GRIK3: variants seen among roughly 807,000 people sequenced by gnomAD.
GRIK3 encodes glutamate ionotropic receptor kainate type subunit 3, also known as glutamate receptor ionotropic, kainate 3.
GRIK3 carries 29 observed loss-of-function variants against 102.5 expected under a neutral mutation model. The observed-to-expected ratio is 0.28, with a 90% confidence interval of 0.21 to 0.39. The LOEUF is 0.39. Among genes scored for constraint, GRIK3 ranks in the 10% least tolerant of loss-of-function variants. The pLI is 1.00. For synonymous variants in GRIK3, 511 were observed against 504.9 expected, an observed-to-expected ratio of 1.01 and a Z score of -0.16; for missense variants, 908 against 1,252.4, an observed-to-expected ratio of 0.73 and a Z score of 4.15.
At chr1:36,933,572 T>C (rs1158404901) in intron 1 of GRIK3, among the ~76,000 whole-genome samples, 1 of 152,254 alleles carries the variant, frequency 6.6e-6, no homozygotes, top group African/African-American at 2.4e-5. Flanking sequence ...GTGGTTTACC[T>C]GCCAGCCTGT....
chr1:36,809,398 C>T (rs143037556), intron 13 of GRIK3, among the ~76,000 whole-genome samples: 103 of 152,294 alleles, frequency 6.8e-4, no homozygotes, highest in Middle Eastern at 3.4e-3. Flanking sequence ...TGTTCTCTTA[C>T]CCACCTATCC....
chr1:36,991,663 A>T (rs1642364813), intron 1 of GRIK3, among the ~76,000 whole-genome samples: 1 of 152,150 alleles, frequency 6.6e-6, no homozygotes, highest in Non-Finnish European at 1.5e-5. Context: ...CTTCCCAGGA[A>T]CCTCACATTC....
chr1:36,887,513 TTAGGAGGCTGAGG>T (rs1465300235), intron 2 of GRIK3, among the ~76,000 whole-genome samples: 1 of 151,864 alleles, frequency 6.6e-6, no homozygotes, highest in Admixed American at 6.6e-5. Context: ...TCCCAGCACT[TTAGGAGGCTGAGG>T]TGGGTGGATC....
intron 1 of GRIK3, among the ~76,000 whole-genome samples, chr1:36,937,197 C>T (rs1176536488): frequency 6.6e-6 from 1 of 152,172 alleles, no homozygotes; most frequent in African/African-American, 2.4e-5. Flanking sequence ...TGAGCTGTCC[C>T]TGGAGTAAAC....
chr1:36,908,455 T>C (rs898540801), intron 1 of GRIK3, among the ~76,000 whole-genome samples: 2 of 152,200 alleles, frequency 1.3e-5, no homozygotes, highest in African/African-American at 4.8e-5. Flanking sequence ...CTGATTGTCC[T>C]GGGTTCTGAT....
intron 1 of GRIK3, among the ~76,000 whole-genome samples, chr1:36,903,078 C>T (rs1338431511): frequency 6.6e-6 from 1 of 152,284 alleles, no homozygotes; most frequent in East Asian, 1.9e-4. Context: ...TGAGCCACCA[C>T]GCCCGGCCTG....
chr1:36,816,744 C>T (rs1642635950), intron 13 of GRIK3, among the ~76,000 whole-genome samples: 1 of 152,206 alleles, frequency 6.6e-6, no homozygotes, highest in Non-Finnish European at 1.5e-5. Context: ...CTGGGTGGCT[C>T]TTCCCCTCCT....
chr1:36,981,243 A>G (rs1642245021), intron 1 of GRIK3, among the ~76,000 whole-genome samples: 1 of 152,170 alleles, frequency 6.6e-6, no homozygotes, highest in African/African-American at 2.4e-5. Context: ...TTCTCCATGG[A>G]AGCAAGTGGC....
intron 10 of GRIK3, among the ~76,000 whole-genome samples, chr1:36,834,096 T>C (rs1640344508): frequency 1.3e-5 from 2 of 152,264 alleles, no homozygotes; most frequent in Non-Finnish European, 2.9e-5. Flanking sequence ...TATTCCTATG[T>C]TCATAGATAA....
chr1:36,835,152 T>C (rs1383287176), intron 10 of GRIK3, among the ~76,000 whole-genome samples: 1 of 152,222 alleles, frequency 6.6e-6, no homozygotes, highest in Non-Finnish European at 1.5e-5. Context: ...TGGCACAGTA[T>C]CAGTTGGGTC....
At chr1:36,942,460 ACT>A (rs768879052) in intron 1 of GRIK3, among the ~76,000 whole-genome samples, 21 of 152,048 alleles carry the variant, frequency 1.4e-4, no homozygotes, top group South Asian at 4.1e-4. Flanking sequence ...AAGTGTGAAT[ACT>A]CTCTCTCCAA....
chr1:36,930,498 A>G (rs1641575591), intron 1 of GRIK3, among the ~76,000 whole-genome samples: 1 of 152,246 alleles, frequency 6.6e-6, no homozygotes, highest in Admixed American at 6.5e-5. Flanking sequence ...ATGGAGGCCA[A>G]TACAGGCAAA....
At chr1:36,977,504 G>A (rs1413203441) in intron 1 of GRIK3, among the ~76,000 whole-genome samples, 1 of 152,168 alleles carries the variant, frequency 6.6e-6, no homozygotes, top group Admixed American at 6.5e-5. Context: ...CAATTAACAG[G>A]CTCTGTCTTC....
intron 5 of GRIK3, among the ~76,000 whole-genome samples, chr1:36,863,922 T>C (rs141125605): frequency 6.6e-6 from 1 of 152,212 alleles, no homozygotes; most frequent in Non-Finnish European, 1.5e-5. Context: ...TAGCGACAAG[T>C]GTTTCACATC....
At chr1:36,936,997 CG>C (rs1262103029) in intron 1 of GRIK3, among the ~76,000 whole-genome samples, 1 of 152,126 alleles carries the variant, frequency 6.6e-6, no homozygotes, top group African/African-American at 2.4e-5. Flanking sequence ...TGATCACAGC[CG>C]GGTGGTCAAT....
In GRIK3 at chr1:36,805,176, C is replaced by T. The variant is rs1642485411; in HGVS notation, c.2376G>A (p.Leu792=). 1.9e-6 allele frequency: 3 copies of T among 1,614,040 alleles called. No individual in the cohort carries two copies. Among genetic ancestry groups the T allele is most frequent in the Non-Finnish European group, 8.5e-7 (1 of 1,180,020 alleles). Residue 792 remains leucine, a synonymous_variant, in exon 15 of 16, where the codon CTG becomes CTA. Coordinates refer to ENST00000373091, the MANE Select transcript of GRIK3 (RefSeq NM_000831.4). ...GCCACCACTTCTCCTTCATGATATG[C>T]AGCTTGTCCTCCTCCTGAAGCTGCA... The part of the protein sequence containing the change: ...AILQLQEEDK[L]HIMKEKWWRG...
chr1:36,813,158 C>T (rs1388510802), intron 13 of GRIK3, among the ~76,000 whole-genome samples: 1 of 152,220 alleles, frequency 6.6e-6, no homozygotes, highest in Non-Finnish European at 1.5e-5. Context: ...AATCCCAGCT[C>T]TGCATTTCAC....
intron 3 of GRIK3, among the ~76,000 whole-genome samples, chr1:36,874,642 C>G (rs1399435246): frequency 6.6e-6 from 1 of 152,210 alleles, no homozygotes; most frequent in East Asian, 1.9e-4. Flanking sequence ...CCTTTCATAT[C>G]TGTTACCCCG....
chr1:36,891,263 G>A (rs1641112232), intron 1 of GRIK3, among the ~76,000 whole-genome samples, 167 bp from the exon 2 acceptor site: 1 of 152,198 alleles, frequency 6.6e-6, no homozygotes, highest in Admixed American at 6.5e-5. Context: ...CAAGAAATAG[G>A]AAAATCCTCC....
Sources: allele counts gnomAD v4.1 joint callset (sites outside exome capture counted in the v4.1 genomes callset), GRCh38; gene constraint gnomAD v4.1.1; transcripts MANE v1.5; gene names NCBI Gene and HGNC (gene_info 2026-07-23, HGNC 2026-07-21).